Variants in CAMK2D observed in about 807,000 individuals in gnomAD.
CAMK2D encodes the protein calcium/calmodulin dependent protein kinase II delta.
CAMK2D carries 37 observed loss-of-function variants against 84.0 expected under a neutral mutation model. That is an observed-to-expected ratio of 0.44 (90% CI 0.34 to 0.58). The LOEUF (loss-of-function observed/expected upper bound fraction) is 0.58, where lower values mean the gene tolerates loss of function less well. CAMK2D is among the 20% of genes least tolerant of loss of function. CAMK2D has a pLI of 0.02. For missense variants in CAMK2D, 448 were observed against 652.5 expected (o/e 0.69, Z 3.41); for synonymous variants, 202 against 212.5 (o/e 0.95, Z 0.43).
chr4:113,618,057 T>C (rs2099029203), intron 3 of CAMK2D, among the ~76,000 whole-genome samples: 1 of 152,112 alleles, frequency 6.6e-6, no homozygotes, highest in African/African-American at 2.4e-5. Context: ...TTTAAGAAGA[T>C]CCTATAAGAT....
intron 6 of CAMK2D, among the ~76,000 whole-genome samples, chr4:113,542,929 T>G (rs950734441): frequency 6.6e-6 from 1 of 152,210 alleles, no homozygotes; most frequent in Non-Finnish European, 1.5e-5. Context: ...TAAGTAATGT[T>G]CTTCTGAATA....
chr4:113,598,975 A>G (rs1002621065), intron 4 of CAMK2D, among the ~76,000 whole-genome samples: 5 of 152,190 alleles, frequency 3.3e-5, no homozygotes, highest in Non-Finnish European at 7.3e-5. Context: ...CATGAAAATG[A>G]ACAATCTAAT....
rs556060627 is a variant in CAMK2D, at chr4:113,604,246, T to A, written c.275+4906A>T. On this transcript the variant is annotated intron_variant, in intron 4 of 20. Transcript: ENST00000511664. ...TTTCCATGAGAGTATTTCATTGATA[T>A]CTTTAAGATATCAATGTATATTTCT... 2.0e-5 allele frequency among the ~76,000 whole-genome samples: 3 copies of A among 152,296 alleles called. No homozygotes were observed. In the South Asian group the frequency reaches 6.2e-4, roughly 32 times the overall value.
chr4:113,731,564 T>A (rs924844693), intron 2 of CAMK2D, among the ~76,000 whole-genome samples: 2 of 150,702 alleles, frequency 1.3e-5, no homozygotes, highest in Non-Finnish European at 3.0e-5. Flanking sequence ...GTATAAAAGA[T>A]AATCTAAGCC....
At chr4:113,631,315 C>T (rs903729602) in intron 3 of CAMK2D, among the ~76,000 whole-genome samples, 5 of 152,148 alleles carry the variant, frequency 3.3e-5, no homozygotes, top group South Asian at 2.1e-4. Flanking sequence ...GAGCTTGAGA[C>T]CAGCCTGGGC....
rs116538120 is a variant in CAMK2D, at chr4:113,548,007, T to C, written c.342-291A>G. Among the ~76,000 whole-genome samples the C allele has an allele frequency of 5.6e-3, 849 of 152,274 alleles. 10 individuals carry two copies. The highest frequency in any genetic ancestry group is 0.02 in the African/African-American group (822 of 41,562). ...CCTGGTTATAAATTCTTCCAGGAAA[T>C]AAAGTGGAACACAAATATAATCTTT... On this transcript the variant is annotated intron_variant, in intron 5 of 20. Transcript: ENST00000511664.
chr4:113,717,207 G>A (rs1000588501), intron 2 of CAMK2D, among the ~76,000 whole-genome samples: 4 of 152,040 alleles, frequency 2.6e-5, no homozygotes, highest in Non-Finnish European at 4.4e-5. Context: ...ATTTTAATTT[G>A]TGAGTAGTTT....
chr4:113,513,318 A>C lies in CAMK2D; in HGVS notation c.946+10T>G. ...CAAGGGATAAGAAGCAGAGTTCCCA[A>C]TGCATGTACCTGAGAAATTCCTTGT... On this transcript the variant is annotated intron_variant, in intron 12 of 20. Coordinates refer to ENST00000511664, the MANE Select transcript of CAMK2D (RefSeq NM_001321571.2). The C allele has an allele frequency of 6.2e-7, 1 of 1,613,226 alleles. No individual in the cohort carries two copies. Among genetic ancestry groups the C allele is most frequent in the Non-Finnish European group, 8.5e-7 (1 of 1,179,178 alleles).
intron 2 of CAMK2D, among the ~76,000 whole-genome samples, chr4:113,746,634 A>T (rs998893260): frequency 6.6e-6 from 1 of 152,258 alleles, no homozygotes; most frequent in Admixed American, 6.5e-5. Flanking sequence ...GAAGGGGGCA[A>T]AGTCAACCCA....
chr4:113,539,077 T>C (rs924027799), intron 6 of CAMK2D, among the ~76,000 whole-genome samples: 1 of 152,134 alleles, frequency 6.6e-6, no homozygotes, highest in Non-Finnish European at 1.5e-5. Context: ...TTTGGAACTT[T>C]ATCAATATAC....
At chr4:113,543,097 T>G (rs2098542142) in intron 6 of CAMK2D, among the ~76,000 whole-genome samples, 1 of 152,228 alleles carries the variant, frequency 6.6e-6, no homozygotes, top group Admixed American at 6.5e-5. Context: ...TGCAGAAATC[T>G]TACTACCTTG....
chr4:113,689,280 AAAG>A (rs1199044156), intron 2 of CAMK2D, among the ~76,000 whole-genome samples: 13 of 152,124 alleles, frequency 8.5e-5, no homozygotes, highest in African/African-American at 2.2e-4. Flanking sequence ...TTAGAACAAA[AAAG>A]AAGATTATTT....
At chr4:113,650,557 T>C (rs1592499306) in intron 3 of CAMK2D, among the ~76,000 whole-genome samples, 1 of 149,434 alleles carries the variant, frequency 6.7e-6, no homozygotes, top group Non-Finnish European at 1.5e-5. Context: ...ATATAATGGG[T>C]GGAAACAAAT....
At chr4:113,494,028 C>G (rs1216062258) in intron 16 of CAMK2D, among the ~76,000 whole-genome samples, 2 of 152,086 alleles carry the variant, frequency 1.3e-5, no homozygotes, top group East Asian at 1.9e-4. Flanking sequence ...ATTGGTTATT[C>G]TAGTTATACC....
chr4:113,470,253 CTTTATATG>C (rs1564457321), intron 16 of CAMK2D, among the ~76,000 whole-genome samples: 4 of 152,126 alleles, frequency 2.6e-5, no homozygotes, highest in African/African-American at 9.7e-5. Flanking sequence ...ATTACCAGCC[CTTTATATG>C]TACTGTCTTC....
At chr4:113,593,702 C>G (rs1345322475) in intron 4 of CAMK2D, among the ~76,000 whole-genome samples, 1 of 152,154 alleles carries the variant, frequency 6.6e-6, no homozygotes, top group Non-Finnish European at 1.5e-5. Context: ...TTTAGTAGAG[C>G]CCAACCTGCT....
intron 16 of CAMK2D, among the ~76,000 whole-genome samples, chr4:113,499,406 GGAAAAAGTCAGCA>G (rs1285830960): frequency 6.6e-6 from 1 of 152,070 alleles, no homozygotes; most frequent in Non-Finnish European, 1.5e-5. Flanking sequence ...CAAACAAAAA[GGAAAAAGTCAGCA>G]GAGCTGACTG....
intron 12 of CAMK2D, among the ~76,000 whole-genome samples, chr4:113,510,667 A>T (rs2098199415): frequency 6.6e-6 from 1 of 152,134 alleles, no homozygotes; most frequent in South Asian, 2.1e-4. Flanking sequence ...TTCATTTAAT[A>T]TTAATTACAT....
chr4:113,602,066 T>C (rs2098955619), intron 4 of CAMK2D, among the ~76,000 whole-genome samples: 1 of 152,126 alleles, frequency 6.6e-6, no homozygotes. Flanking sequence ...TAAAGTATTT[T>C]CAAAGGGATT....
Sources: gnomAD v4.1 joint callset for allele counts (sites outside exome capture counted in the v4.1 genomes callset) on GRCh38, gnomAD v4.1.1 for gene constraint, MANE v1.5 for transcripts, NCBI Gene and HGNC (gene_info 2026-07-23, HGNC 2026-07-21) for gene names.